Variants in DACH2 observed in about 807,000 individuals in gnomAD.
The protein encoded by DACH2 is dachshund family transcription factor 2, also known as dachshund homolog 2.
DACH2 carries 17 observed loss-of-function variants against 35.8 expected under a neutral mutation model. The observed-to-expected ratio is 0.48, with a 90% CI of 0.33 to 0.71. DACH2 has a LOEUF of 0.71. Among genes scored for constraint, DACH2 ranks in the 30% least tolerant of loss-of-function variants. The pLI is 0.02. For missense variants in DACH2, 469 were observed against 472.7 expected, an observed-to-expected ratio of 0.99 and a Z score of 0.07; for synonymous variants, 195 against 177.3, an observed-to-expected ratio of 1.10 and a Z score of -0.79.
intron 3 of DACH2, among the ~76,000 whole-genome samples, chrX:86,531,387 C>A (rs2038718153): frequency 9.0e-6 from 1 of 111,322 alleles, no homozygotes; most frequent in South Asian, 3.8e-4. Flanking sequence ...AAAAATGGTT[C>A]TGTGGGGTGG....
rs73514013 is a variant in DACH2 at position 86,218,520 on chromosome X, C to T, written c.488+69412C>T. ...TTTAAGTAACTGTTATCAGCACTAT[C>T]GCATTTATTGTATGGTATAATGCTT... On this transcript the variant is annotated intron_variant, in intron 1 of 11. Coordinates refer to ENST00000373125, the MANE Select transcript of DACH2 (RefSeq NM_053281.3). Among the ~76,000 whole-genome samples the T allele has an allele frequency of 5.5e-3, 609 of 111,618 alleles. 2 individuals carry two copies. Among genetic ancestry groups the T allele is most frequent in the African/African-American group, 0.019 (593 of 30,808 alleles).
intron 1 of DACH2, among the ~76,000 whole-genome samples, chrX:86,260,355 C>G (rs768095690): frequency 9.0e-6 from 1 of 111,210 alleles, no homozygotes; most frequent in African/African-American, 3.3e-5. Flanking sequence ...CAAGAACCTC[C>G]TCTATGTAAA....
intron 1 of DACH2, among the ~76,000 whole-genome samples, chrX:86,180,191 TATATATATATA>T (rs2031439019): frequency 2.4e-5 from 2 of 83,591 alleles, no homozygotes; most frequent in African/African-American, 9.1e-5. Context: ...TATATATATA[TATATATATATA>T]TATATGGTTC....
At chrX:86,680,028 CTT>C (rs905212257) in intron 4 of DACH2, among the ~76,000 whole-genome samples, 1 of 111,487 alleles carries the variant, frequency 9.0e-6, no homozygotes, top group Non-Finnish European at 1.9e-5. Flanking sequence ...TACTCCCTCT[CTT>C]GTTAGCATAC....
intron 3 of DACH2, among the ~76,000 whole-genome samples, chrX:86,592,991 T>C (rs1029546527): frequency 1.8e-5 from 2 of 111,916 alleles, no homozygotes; most frequent in Non-Finnish European, 3.8e-5. Context: ...TTTCAATATG[T>C]ATATCCTGTA....
intron 1 of DACH2, among the ~76,000 whole-genome samples, chrX:86,298,872 A>G (rs1569337977): frequency 8.9e-6 from 1 of 111,875 alleles, no homozygotes; most frequent in Non-Finnish European, 1.9e-5. Flanking sequence ...CTAGATTTAA[A>G]TAATTTTCAT....
At chrX:86,528,185 C>A (rs867125720) in intron 3 of DACH2, among the ~76,000 whole-genome samples, 8 of 111,429 alleles carry the variant, frequency 7.2e-5, no homozygotes, top group South Asian at 3.8e-4. Context: ...CAAACAAATT[C>A]TTCCTACTTC....
At chrX:86,258,519 C>A (rs1271559100) in intron 1 of DACH2, among the ~76,000 whole-genome samples, 1 of 111,511 alleles carries the variant, frequency 9.0e-6, no homozygotes, top group African/African-American at 3.3e-5. Flanking sequence ...TCATTACAAT[C>A]AAGATTATTA....
intron 4 of DACH2, among the ~76,000 whole-genome samples, chrX:86,678,886 C>G (rs1334356640): frequency 3.6e-5 from 4 of 111,602 alleles, no homozygotes; most frequent in Non-Finnish European, 7.5e-5. Context: ...ATTGCATGAA[C>G]ACAAATTAGA....
intron 2 of DACH2, among the ~76,000 whole-genome samples, chrX:86,452,543 A>G (rs934832946): frequency 9.0e-6 from 1 of 110,833 alleles, no homozygotes; most frequent in African/African-American, 3.3e-5. Context: ...TCTTCCTGGT[A>G]CATTTTTAGG....
chrX:86,526,953 C>T (rs1289193845), intron 3 of DACH2, among the ~76,000 whole-genome samples: 1 of 109,573 alleles, frequency 9.1e-6, no homozygotes, highest in East Asian at 3.0e-4. Flanking sequence ...ATATAGAAAA[C>T]CCTTTCTCCC....
At chrX:86,441,080 G>T (rs2037152710) in intron 2 of DACH2, among the ~76,000 whole-genome samples, 1 of 111,010 alleles carries the variant, frequency 9.0e-6, no homozygotes, top group African/African-American at 3.3e-5. Flanking sequence ...ATGAGTAAAT[G>T]GTAGGTGTAT....
intron 1 of DACH2, among the ~76,000 whole-genome samples, chrX:86,298,010 C>A (rs971932914): frequency 2.7e-5 from 3 of 111,943 alleles, no homozygotes; most frequent in Admixed American, 1.9e-4. Flanking sequence ...CAGTGAACCT[C>A]CTTGCCTTCT....
chrX:86,600,204 T>C (rs898628449), intron 3 of DACH2, among the ~76,000 whole-genome samples: 3 of 110,784 alleles, frequency 2.7e-5, no homozygotes, highest in Admixed American at 9.5e-5. Flanking sequence ...TTAGCAGATA[T>C]TTTTTAATAA....
intron 4 of DACH2, among the ~76,000 whole-genome samples, chrX:86,653,549 C>G (rs1456363245): frequency 9.0e-6 from 1 of 110,926 alleles, no homozygotes; most frequent in Non-Finnish European, 1.9e-5. Context: ...TCTTCCTATT[C>G]AAGAACATGA....
At chrX:86,498,206 C>A (rs2038199607) in intron 2 of DACH2, among the ~76,000 whole-genome samples, 1 of 94,993 alleles carries the variant, frequency 1.1e-5, no homozygotes, top group Non-Finnish European at 2.1e-5. Context: ...GGACTTAGGC[C>A]TCTTTTTTTT....
At chrX:86,536,025 A>G (rs1424904285) in intron 3 of DACH2, among the ~76,000 whole-genome samples, 1 of 110,934 alleles carries the variant, frequency 9.0e-6, no homozygotes, top group Non-Finnish European at 1.9e-5. Flanking sequence ...GGGAGCATAG[A>G]TAAGGTCTGC....
At chrX:86,523,784 A>G (rs1020301073) in intron 3 of DACH2, among the ~76,000 whole-genome samples, 23 of 110,927 alleles carry the variant, frequency 2.1e-4, no homozygotes, top group African/African-American at 7.2e-4. Flanking sequence ...AACCAACCTT[A>G]TATCTACTAT....
chrX:86,417,968 G>C (rs1205738705), intron 2 of DACH2, among the ~76,000 whole-genome samples: 1 of 111,541 alleles, frequency 9.0e-6, no homozygotes, highest in Non-Finnish European at 1.9e-5. Context: ...ATTCCAAATG[G>C]GAGAAATTGG....
Sources: gnomAD v4.1 joint callset for allele counts (sites outside exome capture counted in the v4.1 genomes callset) on GRCh38, gnomAD v4.1.1 for gene constraint, MANE v1.5 for transcripts, NCBI Gene and HGNC (gene_info 2026-07-23, HGNC 2026-07-21) for gene names.